LRRC8D: variants seen among roughly 807,000 people sequenced by gnomAD.
LRRC8D encodes the protein volume-regulated anion channel subunit LRRC8D.
LRRC8D carries 20 observed loss-of-function variants against 55.8 expected under a neutral mutation model. The ratio of observed to expected loss-of-function variants is 0.36; its 90% CI spans 0.25 to 0.52. The LOEUF is 0.52. LRRC8D is among the 20% of genes least tolerant of loss of function. The pLI is 0.93. For synonymous variants in LRRC8D, 352 were observed against 377.0 expected, an observed-to-expected ratio of 0.93 and a Z score of 0.77; for missense variants, 651 against 1,030.8, an observed-to-expected ratio of 0.63 and a Z score of 5.05.
intron 2 of LRRC8D, among the ~76,000 whole-genome samples, chr1:89,874,446 T>C (rs1662100970): frequency 8.5e-5 from 1 of 11,754 alleles, no homozygotes; most frequent in Non-Finnish European, 1.4e-4. Flanking sequence ...AAACTATTTG[T>C]GTGTGTGTGT....
At chr1:89,876,105 A>G (rs996252322) in intron 2 of LRRC8D, among the ~76,000 whole-genome samples, 1 of 151,480 alleles carries the variant, frequency 6.6e-6, no homozygotes, top group African/African-American at 2.4e-5. Context: ...GCTTCCATCC[A>G]CTCAGAGCTC....
In LRRC8D at chr1:89,911,803, AC is replaced by A. The variant is rs1395004744; in HGVS notation, c.-2-21263del. The stretch of plus-strand genomic sequence containing the variant: ...CCTTAACGTGCGTGACTTGCTTTTG[AC>A]ACCTGCAATGCTGCTTACCACTCTC... On this transcript the variant is annotated intron_variant, in intron 2 of 2. Coordinates refer to ENST00000337338, the MANE Select transcript of LRRC8D (RefSeq NM_001134479.2). The surrounding 1 kb of genome is among the most constrained non-coding windows in gnomAD (Gnocchi z 4.0). Among the ~76,000 whole-genome samples the A allele has an allele frequency of 6.6e-6, 1 of 152,100 alleles. No homozygotes were observed. The highest frequency in any genetic ancestry group is 1.5e-5 in the Non-Finnish European group (1 of 68,020).
intron 2 of LRRC8D, among the ~76,000 whole-genome samples, chr1:89,853,438 G>A (rs1285377691): frequency 2.6e-5 from 4 of 152,152 alleles, no homozygotes; most frequent in Non-Finnish European, 4.4e-5. Context: ...GAATGTCGTT[G>A]AAACTCCACA....
chr1:89,829,359 T>C (rs1020925993), intron 1 of LRRC8D, among the ~76,000 whole-genome samples: 1 of 152,204 alleles, frequency 6.6e-6, no homozygotes, highest in African/African-American at 2.4e-5. Flanking sequence ...AAAGATAGAC[T>C]TATTCCCACT....
chr1:89,891,019 C>G (rs1229188115), intron 2 of LRRC8D, among the ~76,000 whole-genome samples: 1 of 152,134 alleles, frequency 6.6e-6, no homozygotes, highest in Non-Finnish European at 1.5e-5. Flanking sequence ...GTAGCTGGGA[C>G]TGCAGGCGCC....
At chr1:89,825,514 G>A (rs1660741950) in intron 1 of LRRC8D, among the ~76,000 whole-genome samples, 1 of 152,320 alleles carries the variant, frequency 6.6e-6, no homozygotes, top group Non-Finnish European at 1.5e-5. Context: ...GAGAAGATAG[G>A]ATAACTGGCA....
intron 1 of LRRC8D, among the ~76,000 whole-genome samples, chr1:89,826,761 AAC>A (rs1660775518): frequency 6.6e-6 from 1 of 152,176 alleles, no homozygotes; most frequent in African/African-American, 2.4e-5. Context: ...TAAAAGAAGG[AAC>A]ACACAGTGGA....
intron 2 of LRRC8D, among the ~76,000 whole-genome samples, chr1:89,879,811 T>G (rs1662235738): frequency 6.6e-6 from 1 of 152,194 alleles, no homozygotes; most frequent in South Asian, 2.1e-4. Context: ...GTGTGCTAGC[T>G]TCATGAGGGA....
intron 2 of LRRC8D, among the ~76,000 whole-genome samples, chr1:89,869,362 G>C (rs1462805219): frequency 2.6e-5 from 4 of 152,148 alleles, no homozygotes; most frequent in African/African-American, 9.7e-5. Flanking sequence ...TAGCTGAATC[G>C]ATCAGGATCA....
rs1662706040 is a variant in LRRC8D at position 89,896,157 on chromosome 1, G to A, written c.-2-36910G>A. ...ACATGGCCAATAACGGCATATTGCC[G>A]GGACTTGGAGCAGAGGTAAGAGTGT... On this transcript the variant is annotated intron_variant, in intron 2 of 2. Transcript: ENST00000337338. Among the ~76,000 whole-genome samples, 3 of 152,172 alleles carry A rather than the reference G, an allele frequency of 2.0e-5. No homozygotes were observed. The South Asian group carries it at 6.2e-4, about 32-fold the overall frequency.
chr1:89,920,955 C>T lies in LRRC8D; in HGVS notation c.-2-12112C>T, dbSNP rs573466208. On this transcript the variant is annotated intron_variant, in intron 2 of 2. Coordinates refer to ENST00000337338, the MANE Select transcript of LRRC8D (RefSeq NM_001134479.2). ...ATGAAAGATTTGAGAATTTGATCCT[C>T]GTAAGTCTCTTGCATGTTCTCCATT... 1.2e-4 allele frequency among the ~76,000 whole-genome samples: 18 copies of T among 152,310 alleles called. No homozygotes were observed. In the South Asian group the frequency reaches 3.3e-3, roughly 28 times the overall value.
chr1:89,881,702 G>A (rs1662291136), intron 2 of LRRC8D, among the ~76,000 whole-genome samples: 1 of 152,126 alleles, frequency 6.6e-6, no homozygotes, highest in Admixed American at 6.5e-5. Flanking sequence ...GCCTGAAAAG[G>A]CATGATCATG....
intron 2 of LRRC8D, among the ~76,000 whole-genome samples, chr1:89,892,522 CT>C (rs920758712): frequency 1.6e-3 from 237 of 147,256 alleles, no homozygotes; most frequent in African/African-American, 5.3e-3. Context: ...TTGATATTTC[CT>C]TTTTTTTTTT....
chr1:89,847,021 C>T (rs1661299011), intron 2 of LRRC8D, among the ~76,000 whole-genome samples: 1 of 152,168 alleles, frequency 6.6e-6, no homozygotes, highest in Non-Finnish European at 1.5e-5. Flanking sequence ...CAGTAATCCA[C>T]TGAGAGGCTC....
At chr1:89,887,240 T>C in intron 2 of LRRC8D, among the ~76,000 whole-genome samples, 1 of 152,218 alleles carries the variant, frequency 6.6e-6, no homozygotes, top group East Asian at 1.9e-4. Flanking sequence ...TGATATGCCC[T>C]TTTTTATTGT....
chr1:89,855,162 A>C (rs573546243), intron 2 of LRRC8D, among the ~76,000 whole-genome samples: 4 of 152,282 alleles, frequency 2.6e-5, no homozygotes, highest in African/African-American at 9.6e-5. Context: ...GAGAAGGATA[A>C]GTATTCAGAG....
At chr1:89,831,528 C>T (rs1315883426) in intron 1 of LRRC8D, among the ~76,000 whole-genome samples, 1 of 151,912 alleles carries the variant, frequency 6.6e-6, no homozygotes, top group Non-Finnish European at 1.5e-5. Flanking sequence ...TCATCTACCC[C>T]AGGAGATACG....
At chr1:89,847,300 G>T (rs1009518418) in intron 2 of LRRC8D, among the ~76,000 whole-genome samples, 1 of 152,166 alleles carries the variant, frequency 6.6e-6, no homozygotes, top group African/African-American at 2.4e-5. Flanking sequence ...TGGAATATTT[G>T]TAGTGGCCTA....
intron 2 of LRRC8D, among the ~76,000 whole-genome samples, chr1:89,912,266 G>A (rs1663151839): frequency 6.6e-6 from 1 of 152,088 alleles, no homozygotes; most frequent in Non-Finnish European, 1.5e-5. Flanking sequence ...AAAACGGAAT[G>A]GTGACCTCAT....
Sources: allele counts gnomAD v4.1 joint callset (sites outside exome capture counted in the v4.1 genomes callset), GRCh38; gene constraint gnomAD v4.1.1; non-coding constraint Gnocchi (gnomAD v3.1); transcripts MANE v1.5; gene names NCBI Gene and HGNC (gene_info 2026-07-23, HGNC 2026-07-21).